The following NAP1L1 variants were observed in gnomAD, a reference collection of about 807,000 sequenced individuals.
NAP1L1 encodes the protein nucleosome assembly protein 1-like 1.
In NAP1L1, 9 loss-of-function variants were observed where a neutral mutation model predicts 58.9. The observed-to-expected ratio is 0.15, with a 90% CI of 0.09 to 0.27. NAP1L1 has a LOEUF of 0.27. Ranked by LOEUF, NAP1L1 falls within the 10% of genes least tolerant of loss-of-function variation. The pLI is 1.00. For missense variants in NAP1L1, 302 were observed against 458.8 expected (o/e 0.66, Z 3.12); for synonymous variants, 130 against 138.3 (o/e 0.94, Z 0.42).
rs1948560406 is a variant in NAP1L1 at position 76,042,497 on chromosome 12, AGT to A, written c.*5930_*5931del. On this transcript the variant is annotated 3_prime_UTR_variant, in exon 15 of 15. Coordinates refer to ENST00000618691, the MANE Select transcript of NAP1L1 (RefSeq NM_004537.7). ...ATTTGTTTAGGGGCTGAAAAGTTTT[AGT>A]CTAAAATTAGATCTCCATTTTTATT... 4 of 152,360 alleles carry A rather than the reference AGT, an allele frequency of 2.6e-5. No individual in the cohort carries two copies. The South Asian group carries it at 8.3e-4, about 32-fold the overall frequency. 9.4% of individuals were successfully genotyped at this position (152,360 alleles called of 1,614,324 possible). A position where few individuals can be genotyped will look rare whatever the true frequency, so the allele number is the denominator to read the frequency against.
intron 2 of NAP1L1, among the ~76,000 whole-genome samples, chr12:76,073,141 A>C (rs751300803): frequency 1.3e-5 from 2 of 152,104 alleles, no homozygotes; most frequent in Non-Finnish European, 2.9e-5. Context: ...GACAGAATGC[A>C]TAAGTCACTC....
chr12:76,056,187 T>C, intron 6 of NAP1L1, 26 bp from the exon 7 acceptor site: 5 of 1,601,212 alleles, frequency 3.1e-6, no homozygotes, highest in African/African-American at 1.4e-5. Flanking sequence ...GCAAACATTA[T>C]TTAATACATA....
intron 1 of NAP1L1, among the ~76,000 whole-genome samples, chr12:76,075,080 C>G (rs531340171): frequency 6.6e-6 from 1 of 152,074 alleles, no homozygotes; most frequent in South Asian, 2.1e-4. Context: ...TATATCCAGG[C>G]AGAAAAAAAT....
Position 76,042,740 on chromosome 12 carries a change from G to A in NAP1L1, c.*5689C>T, listed in dbSNP as rs1261558004. ...AAAGGCCCTAGAAATACCCTGTAAA[G>A]AGCATATTCAGCAACTGGACTTAAG... On this transcript the variant is annotated 3_prime_UTR_variant, in exon 15 of 15. Transcript: ENST00000618691. 6.6e-6 allele frequency: 1 copy of A among 152,136 alleles called. No homozygotes were observed. The highest frequency in any genetic ancestry group is 1.9e-4 in the East Asian group (1 of 5,190). The allele number at this position is 152,136 out of a possible 1,614,324, so 9.4% of individuals were successfully genotyped here. A position where few individuals can be genotyped will look rare whatever the true frequency, so the allele number is the denominator to read the frequency against.
chr12:76,049,904 C>G (rs1948741599), intron 12 of NAP1L1, 119 bp from the exon 13 acceptor site: 2 of 1,032,138 alleles, frequency 1.9e-6, no homozygotes, highest in African/African-American at 1.6e-5. Context: ...ACTTTCCTAT[C>G]AAGGGGCTGA....
chr12:76,079,269 T>C (rs1340088870), intron 1 of NAP1L1, among the ~76,000 whole-genome samples: 3 of 152,174 alleles, frequency 2.0e-5, no homozygotes, highest in African/African-American at 4.8e-5. Context: ...CTCACGTCTA[T>C]AGTCTCAGCA....
At chr12:76,049,033 A>T (rs1266870716) in intron 14 of NAP1L1, 167 bp downstream of exon 14, 7 of 595,878 alleles carry the variant, frequency 1.2e-5, no homozygotes, top group African/African-American at 1.9e-5. Context: ...GTCCACTGAA[A>T]TTATGTGTAC....
chr12:76,060,267 T>C lies in NAP1L1; in HGVS notation c.219A>G (p.Val73=). 1.2e-6 allele frequency: 2 copies of C among 1,613,752 alleles called. No homozygotes were observed. The highest frequency in any genetic ancestry group is 1.7e-6 in the Non-Finnish European group (2 of 1,179,848). ...TGAGAGCATTCACTCGTCTTTTAAC[T>C]ACCCTAGGCAGGCTGAAAGGTTAGA... ...PTGYIESLPR[V]VKRRVNALKN... is the part of the protein sequence containing the mutation. Residue 73 remains valine (V), a synonymous_variant, in exon 5 of 15, where the codon GTA becomes GTG. Coordinates refer to ENST00000618691, the MANE Select transcript of NAP1L1 (RefSeq NM_004537.7).
At chr12:76,059,530 A>G in intron 6 of NAP1L1, 1 of 343,074 alleles carries the variant, frequency 2.9e-6, no homozygotes. Flanking sequence ...AATTGGAAAT[A>G]AGACTTGTGG....
intron 2 of NAP1L1, among the ~76,000 whole-genome samples, chr12:76,072,418 CAA>C (rs1592687717): frequency 6.6e-6 from 1 of 151,372 alleles, no homozygotes; most frequent in East Asian, 1.9e-4. Context: ...GAAAGAAGAG[CAA>C]AGAGACAGAG....
rs774026730 is a variant in NAP1L1 at position 76,046,166 on chromosome 12, C to T, written c.*2263G>A. 6.6e-6 allele frequency: 1 copy of T among 151,658 alleles called. No individual in the cohort carries two copies. Among genetic ancestry groups the T allele is most frequent in the African/African-American group, 2.4e-5 (1 of 41,322 alleles). The allele number at this position is 151,658 out of a possible 1,614,324, so 9.4% of individuals were successfully genotyped here. A position where few individuals can be genotyped will look rare whatever the true frequency, so the allele number is the denominator to read the frequency against. On this transcript the variant is annotated 3_prime_UTR_variant, in exon 15 of 15. Transcript: ENST00000618691. ...TTAAAAAAAAACACCCAAAATATCA[C>T]CAGTACATTTTATAAAATTAAATCC...
chr12:76,059,979 A>C (rs1309452800), intron 5 of NAP1L1, 101 bp from the exon 6 acceptor site: 7 of 1,200,374 alleles, frequency 5.8e-6, no homozygotes, highest in Non-Finnish European at 7.1e-6. Context: ...ACAAATGCAT[A>C]CCACAACTTT....
chr12:76,041,784 A>G lies in NAP1L1; in HGVS notation c.*6645T>C, dbSNP rs1948553827. The G allele has an allele frequency of 6.6e-6, 1 of 152,194 alleles. No homozygotes were observed. The highest frequency in any genetic ancestry group is 2.4e-5 in the African/African-American group (1 of 41,414). The allele number at this position is 152,194 out of a possible 1,614,324, so 9.4% of individuals were successfully genotyped here. A position where few individuals can be genotyped will look rare whatever the true frequency, so the allele number is the denominator to read the frequency against. The stretch of plus-strand genomic sequence containing the variant: ...CTAAAATCACATCTGATCTCAAGAC[A>G]GACACCCATGTCACATCCACACCAG... On this transcript the variant is annotated 3_prime_UTR_variant, in exon 15 of 15. Coordinates refer to ENST00000618691, the MANE Select transcript of NAP1L1 (RefSeq NM_004537.7).
rs180880419 is a variant in NAP1L1 at position 76,043,729 on chromosome 12, C to T, written c.*4700G>A. ...CTGTTCCTCCACCTGAACTGCTCAC[C>T]GTTCAGAGGTTCTTCCTCTCACTTC... On this transcript the variant is annotated 3_prime_UTR_variant, in exon 15 of 15. Coordinates refer to ENST00000618691, the MANE Select transcript of NAP1L1 (RefSeq NM_004537.7). 2.6e-5 allele frequency: 4 copies of T among 152,218 alleles called. No homozygotes were observed. The highest frequency in any genetic ancestry group is 6.5e-5 in the Admixed American group (1 of 15,290). The allele number at this position is 152,218 out of a possible 1,614,324, so 9.4% of individuals were successfully genotyped here.
chr12:76,060,246 A>C lies in NAP1L1; in HGVS notation c.240T>G (p.Ala80=), dbSNP rs1949346211. Residue 80 remains alanine, a synonymous_variant, in exon 5 of 15, where the codon GCT becomes GCG. Transcript: ENST00000618691. ...LPRVVKRRVN[A]LKNLQVKCAQ... ...CACATTTAACTTGCAGGTTTTTGAGAGCATTCACTCGTCTTTTAACTACCC... is the reference window on the plus strand; with the variant it reads ...CACATTTAACTTGCAGGTTTTTGAGCGCATTCACTCGTCTTTTAACTACCC... 6.2e-7 allele frequency: 1 copy of C among 1,613,828 alleles called. No homozygotes were observed. Among genetic ancestry groups the C allele is most frequent in the South Asian group, 1.1e-5 (1 of 91,080 alleles).
Position 76,053,735 on chromosome 12 carries a change from A to G in NAP1L1, c.770+35T>C, listed in dbSNP as rs777904122. The G allele has an allele frequency of 3.8e-6, 6 of 1,595,350 alleles. No homozygotes were observed. In the South Asian group the frequency reaches 6.9e-5, roughly 18 times the overall value. On this transcript the variant is annotated intron_variant, in intron 9 of 14. Coordinates refer to ENST00000618691, the MANE Select transcript of NAP1L1 (RefSeq NM_004537.7). ...CAAATCAAGTATAACAAAAACAGAA[A>G]AAACATTTTGTTAAGGTAGTAAAAT...
intron 7 of NAP1L1, among the ~76,000 whole-genome samples, 187 bp from the exon 8 acceptor site, chr12:76,055,277 T>A (rs1443153038): frequency 6.6e-6 from 1 of 152,224 alleles, no homozygotes; most frequent in African/African-American, 2.4e-5. Context: ...GTAGTTCTAC[T>A]GCCACTGGTA....
chr12:76,081,088 A>T (rs1592712089), intron 1 of NAP1L1, among the ~76,000 whole-genome samples: 1 of 135,870 alleles, frequency 7.4e-6, no homozygotes, highest in African/African-American at 2.8e-5. Context: ...CTTTTTTTTT[A>T]AATAAATTAC....
In NAP1L1 at chr12:76,068,824, CAAA is replaced by C. The variant is rs769033503; in HGVS notation, c.103+82_103+84del. On this transcript the variant is annotated intron_variant, in intron 3 of 14. Transcript: ENST00000618691. Reference sequence around the variant, plus strand: ...ATAAATGGGACAATGAGCAAGGGTCCAAAAAAATAGACTGGTACTTATAACTAC... The same window carrying C: ...ATAAATGGGACAATGAGCAAGGGTCCAAAATAGACTGGTACTTATAACTAC... 3.2e-6 allele frequency: 3 copies of C among 933,778 alleles called. No homozygotes were observed. In the African/African-American group the frequency reaches 5.1e-5, roughly 16 times the overall value. 57.8% of individuals were successfully genotyped at this position (933,778 alleles called of 1,614,324 possible).
Sources: gnomAD v4.1 joint callset for allele counts (sites outside exome capture counted in the v4.1 genomes callset) on GRCh38, gnomAD v4.1.1 for gene constraint, MANE v1.5 for transcripts, NCBI Gene and HGNC (gene_info 2026-07-23, HGNC 2026-07-21) for gene names.